The following ZNF449 variants were observed in gnomAD, a reference collection of about 807,000 sequenced individuals.
ZNF449 encodes the protein zinc finger and SCAN domain-containing protein 19.
Under a neutral mutation model 32.6 loss-of-function variants are expected in ZNF449, and 4 were observed. The observed-to-expected ratio is 0.12, with a 90% CI of 0.06 to 0.28. The LOEUF (loss-of-function observed/expected upper bound fraction) is 0.28, where lower values mean the gene tolerates loss of function less well. Among genes scored for constraint, ZNF449 ranks in the 10% least tolerant of loss-of-function variants. ZNF449 has a pLI of 1.00. For synonymous variants in ZNF449, 123 were observed against 132.2 expected (o/e 0.93, Z 0.48); for missense variants, 275 against 383.2 (o/e 0.72, Z 2.36).
intron 3 of ZNF449, among the ~76,000 whole-genome samples, chrX:135,356,481 A>G (rs1283248736): frequency 1.8e-5 from 2 of 111,635 alleles, no homozygotes; most frequent in Non-Finnish European, 3.8e-5. Flanking sequence ...TCATAGACCT[A>G]TTTAGTCCCC....
chrX:135,359,822 A>T (rs4829778), intron 3 of ZNF449, 70 bp from the exon 4 acceptor site: 211,076 of 634,188 alleles, frequency 0.33, 28,858 homozygotes, highest in Non-Finnish European at 0.41. Flanking sequence ...CTGTCCAAGA[A>T]ATCAGCCTAA....
rs2084946124 is a variant in ZNF449 at position 135,361,297 on chromosome X, A to C, written c.*221A>C. On this transcript the variant is annotated 3_prime_UTR_variant, in exon 5 of 5. Transcript: ENST00000339249. ...TAGATTTGATTTCTTCTGTCTGCAC[A>C]ACTCTTCTTTTTTTAATTACAATGA... 5 of 296,889 alleles carry C rather than the reference A, an allele frequency of 1.7e-5. No homozygotes were observed. The East Asian group carries it at 2.5e-4, about 15-fold the overall frequency. 24.5% of individuals were successfully genotyped at this position (296,889 alleles called of 1,213,427 possible).
At chrX:135,358,633 C>T (rs1238266428) in intron 3 of ZNF449, among the ~76,000 whole-genome samples, 1 of 111,934 alleles carries the variant, frequency 8.9e-6, no homozygotes, top group African/African-American at 3.2e-5. Context: ...GCAATACTGT[C>T]TTTTCTCATT....
intron 2 of ZNF449, chrX:135,348,898 C>A: frequency 1.1e-6 from 1 of 946,452 alleles, no homozygotes; most frequent in Non-Finnish European, 1.4e-6. Context: ...GGTGAAATAT[C>A]TCACTAATAA....
At chrX:135,354,158 G>C (rs2084903520) in intron 3 of ZNF449, among the ~76,000 whole-genome samples, 1 of 112,235 alleles carries the variant, frequency 8.9e-6, no homozygotes, top group African/African-American at 3.2e-5. Flanking sequence ...TTGTCAAATT[G>C]ACTTCTGAAA....
chrX:135,350,941 A>G (rs1473351963), intron 3 of ZNF449, among the ~76,000 whole-genome samples: 2 of 111,171 alleles, frequency 1.8e-5, no homozygotes, highest in Non-Finnish European at 3.8e-5. Context: ...AACATGTGCA[A>G]CGTTCTGAAG....
In ZNF449 at chrX:135,344,828, C is replaced by G. The variant is rs1250142113; in HGVS notation, c.-108C>G. 1 of 113,368 alleles carries G rather than the reference C, an allele frequency of 8.8e-6. No homozygotes were observed. Among genetic ancestry groups the G allele is most frequent in the African/African-American group, 3.2e-5 (1 of 31,297 alleles). 9.3% of individuals were successfully genotyped at this position (113,368 alleles called of 1,213,427 possible). A position where few individuals can be genotyped will look rare whatever the true frequency, so the allele number is the denominator to read the frequency against. On this transcript the variant is annotated 5_prime_UTR_variant, in exon 1 of 5. Transcript: ENST00000339249. ...GGTGAGCTTGGGAGAACCGTGGGCG[C>G]TGAGGCGGTGAGTCCCCGAGCGGCC...
chrX:135,347,770 T>C (rs1419171596), intron 2 of ZNF449: 1 of 777,192 alleles, frequency 1.3e-6, no homozygotes, highest in East Asian at 3.5e-5. Context: ...AATTGCTCCA[T>C]GGCCTGAAGG....
At chrX:135,355,998 C>T (rs1556451841) in intron 3 of ZNF449, among the ~76,000 whole-genome samples, 1 of 112,161 alleles carries the variant, frequency 8.9e-6, no homozygotes, top group African/African-American at 3.2e-5. Flanking sequence ...TGTATCAGTA[C>T]TTTATTCCTA....
intron 3 of ZNF449, among the ~76,000 whole-genome samples, chrX:135,359,101 C>T (rs782346281): frequency 1.8e-5 from 2 of 111,203 alleles, no homozygotes; most frequent in Non-Finnish European, 3.8e-5. Context: ...AAACATCAGC[C>T]TACATTTAGA....
chrX:135,345,544 G>C (rs1029351382), intron 1 of ZNF449, among the ~76,000 whole-genome samples: 1 of 112,338 alleles, frequency 8.9e-6, no homozygotes, highest in African/African-American at 3.2e-5. Context: ...TGCTTCCTCT[G>C]TGCCGGGCAT....
Position 135,361,117 on chromosome X carries a change from A to G in ZNF449, c.*41A>G, listed in dbSNP as rs2084944876. Reference sequence around the variant, plus strand: ...ACAGGTCTTACACAAATTGACACTAACTCAAAAAAAATCTTAACCTGCAGC... The same window carrying G: ...ACAGGTCTTACACAAATTGACACTAGCTCAAAAAAAATCTTAACCTGCAGC... On this transcript the variant is annotated 3_prime_UTR_variant, in exon 5 of 5. Coordinates refer to ENST00000339249, the MANE Select transcript of ZNF449 (RefSeq NM_152695.6). 1 of 1,079,933 alleles carries G rather than the reference A, an allele frequency of 9.3e-7. No individual in the cohort carries two copies. Among genetic ancestry groups the G allele is most frequent in the Admixed American group, 3.3e-5 (1 of 30,118 alleles). 89.0% of individuals were successfully genotyped at this position (1,079,933 alleles called of 1,213,427 possible). A position where few individuals can be genotyped will look rare whatever the true frequency, so the allele number is the denominator to read the frequency against.
intron 2 of ZNF449, chrX:135,348,449 C>A: frequency 7.6e-6 from 1 of 131,667 alleles, no homozygotes; most frequent in Non-Finnish European, 1.7e-5. Context: ...TCCAAAACTC[C>A]CCATGGGGAC....
chrX:135,360,028 ACTAGTGGG>A, intron 4 of ZNF449, 23 bp downstream of exon 4: 1 of 1,104,248 alleles, frequency 9.1e-7, no homozygotes, highest in Admixed American at 2.9e-5. Context: ...TCTTTGATAT[ACTAGTGGG>A]AAAAAAAAAG....
rs1206255767 is a variant in ZNF449 at position 135,354,878 on chromosome X, G to T, written c.560-5014G>T. Among the ~76,000 whole-genome samples the T allele has an allele frequency of 2.7e-5, 3 of 111,650 alleles. No homozygotes were observed. In the Admixed American group the frequency reaches 2.8e-4, roughly 11 times the overall value. On this transcript the variant is annotated intron_variant, in intron 3 of 4. Coordinates refer to ENST00000339249, the MANE Select transcript of ZNF449 (RefSeq NM_152695.6). ...CTACTTTTAGTCCTTCAGCTAGGTCGTAGAGCTTCTTTTACCCAAGGAGCA... is the reference window on the plus strand; with the variant it reads ...CTACTTTTAGTCCTTCAGCTAGGTCTTAGAGCTTCTTTTACCCAAGGAGCA...
At chrX:135,353,210 GA>G (rs1181547211) in intron 3 of ZNF449, among the ~76,000 whole-genome samples, 1 of 110,783 alleles carries the variant, frequency 9.0e-6, no homozygotes, top group Non-Finnish European at 1.9e-5. Flanking sequence ...AAGCAAGGAG[GA>G]TGACACAATG....
At chrX:135,347,699 G>A in intron 2 of ZNF449, 1 of 1,053,464 alleles carries the variant, frequency 9.5e-7, no homozygotes, top group African/African-American at 1.9e-5. Flanking sequence ...ACTTTACTAT[G>A]CACAAATGAA....
chrX:135,360,360 C>A lies in ZNF449; in HGVS notation c.841C>A (p.Gln281Lys). The A allele has an allele frequency of 1.7e-6, 2 of 1,211,008 alleles. No homozygotes were observed. The highest frequency in any genetic ancestry group is 2.2e-6 in the Non-Finnish European group (2 of 895,258). Residue 281 changes from glutamine to lysine, a missense_variant, in exon 5 of 5, where the codon CAG (glutamine) becomes AAG (lysine). Around this residue, in one of 3 missense-constraint regions of ZNF449, gnomAD observed 165 missense variants for 175.0 expected, o/e 0.94. Transcript: ENST00000339249. ...ATGGGAAACCCCCCCAGAGGATTTA[C>A]AGACAGATTTAGCAAAACTGGTAGA... is the stretch of plus-strand genomic sequence containing the variant. The part of the protein sequence containing the change: ...NQWETPPEDL[Q>K]TDLAKLVDQQ...
At chrX:135,346,483 G>A (rs1369723695) in intron 1 of ZNF449, among the ~76,000 whole-genome samples, 1 of 109,646 alleles carries the variant, frequency 9.1e-6, no homozygotes, top group Non-Finnish European at 1.9e-5. Flanking sequence ...GTATTCCTTC[G>A]CCATTTCTTT....
Sources: allele counts gnomAD v4.1 joint callset (sites outside exome capture counted in the v4.1 genomes callset), GRCh38; gene constraint gnomAD v4.1.1; regional missense constraint gnomAD v4.1.1; transcripts MANE v1.5; gene names NCBI Gene and HGNC (gene_info 2026-07-23, HGNC 2026-07-21).